The following BOC variants were observed in gnomAD, a reference collection of about 807,000 sequenced individuals.
BOC encodes the protein brother of CDO.
BOC carries 76 observed loss-of-function variants against 112.0 expected under a neutral mutation model. The ratio of observed to expected loss-of-function variants is 0.68; its 90% CI spans 0.56 to 0.82. The LOEUF is 0.82. BOC is among the 40% of genes least tolerant of loss of function. The probability of loss-of-function intolerance (pLI) is 0.00; values close to 1 mark genes in which losing one functional copy is unlikely to be tolerated. For synonymous variants in BOC, 580 were observed against 599.8 expected, an observed-to-expected ratio of 0.97 and a Z score of 0.48; for missense variants, 1,309 against 1,511.7, an observed-to-expected ratio of 0.87 and a Z score of 2.22.
At position 113,279,787 on chromosome 3, in the gene BOC, C is replaced by G. The variant is rs138679296; in HGVS notation, c.2024-37C>G. On this transcript the variant is annotated intron_variant, in intron 12 of 19. Coordinates refer to ENST00000682979, the MANE Select transcript of BOC (RefSeq NM_001378074.1). ...GCCATGGGAGAATCAGAAGGTATTT[C>G]CCAGCTCCTGAGTTCAGTGAGTGTC... The G allele has an allele frequency of 2.7e-4, 414 of 1,559,934 alleles. No homozygotes were observed. The African/African-American group carries it at 5.1e-3, about 19-fold the overall frequency.
At chr3:113,246,378 CTGT>C (rs1472497308) in intron 2 of BOC, among the ~76,000 whole-genome samples, 1 of 152,214 alleles carries the variant, frequency 6.6e-6, no homozygotes, top group Non-Finnish European at 1.5e-5. Context: ...ATAGGCCTTA[CTGT>C]TGCCTTCACC....
upstream of BOC, chr3:113,211,189 G>A (rs924401961): frequency 6.6e-6 from 1 of 152,350 alleles, no homozygotes; most frequent in Non-Finnish European, 1.5e-5. Context: ...GAAGAGACTA[G>A]GCGAAAGGAG....
At chr3:113,252,485 G>C (rs531906709) in intron 4 of BOC, among the ~76,000 whole-genome samples, 1 of 152,280 alleles carries the variant, frequency 6.6e-6, no homozygotes. Context: ...TGGGGTCCTT[G>C]GGGTGGGTGA....
chr3:113,236,289 T>TAC (rs1208690028), intron 2 of BOC, among the ~76,000 whole-genome samples: 3 of 21,292 alleles, frequency 1.4e-4, no homozygotes, highest in East Asian at 3.5e-3. Context: ...TGGGTATATA[T>TAC]ATATATATAT....
chr3:113,278,909 C>A lies in BOC; in HGVS notation c.1816+126C>A. 1 of 787,194 alleles carries A rather than the reference C, an allele frequency of 1.3e-6. No individual in the cohort carries two copies. Among genetic ancestry groups the A allele is most frequent in the South Asian group, 1.7e-5 (1 of 58,706 alleles). 48.8% of individuals were successfully genotyped at this position (787,194 alleles called of 1,614,324 possible). The stretch of plus-strand genomic sequence containing the variant: ...GTTTTTATGACATCTCCCAGTTAAC[C>A]ACAATGAGGAAATGTAGTTTGGAGC... On this transcript the variant is annotated intron_variant, in intron 11 of 19. Transcript: ENST00000682979. This position sits in a 1 kb window ranked among gnomAD's most constrained non-coding sequence, Gnocchi z 4.2.
At chr3:113,245,898 G>A (rs556538971) in intron 2 of BOC, among the ~76,000 whole-genome samples, 58 of 152,282 alleles carry the variant, frequency 3.8e-4, no homozygotes, top group African/African-American at 1.3e-3. Context: ...CCGTGGCATG[G>A]GCGTCCAGGG....
intron 3 of BOC, among the ~76,000 whole-genome samples, chr3:113,250,112 CGGA>C (rs1553732414): frequency 1.3e-5 from 2 of 151,948 alleles, no homozygotes; most frequent in African/African-American, 2.4e-5. Flanking sequence ...AAAGCTATAC[CGGA>C]GGAGGAGGAG....
chr3:113,231,354 C>T (rs568876771), intron 2 of BOC, among the ~76,000 whole-genome samples: 9 of 152,136 alleles, frequency 5.9e-5, no homozygotes, highest in Non-Finnish European at 1.2e-4. Context: ...TCTATGACAA[C>T]CCAGATAACT....
chr3:113,224,873 C>T (rs1186274635), intron 2 of BOC, among the ~76,000 whole-genome samples: 1 of 152,000 alleles, frequency 6.6e-6, no homozygotes, highest in African/African-American at 2.4e-5. Flanking sequence ...ACCAGGAGAT[C>T]GAGACCATTC....
chr3:113,250,867 C>T (rs373702780), intron 4 of BOC, 34 bp downstream of exon 4: 64 of 1,608,516 alleles, frequency 4.0e-5, no homozygotes, highest in African/African-American at 3.6e-4. Context: ...TGCCATGGTG[C>T]GGTCCCTCCT....
intron 2 of BOC, among the ~76,000 whole-genome samples, chr3:113,230,759 T>A (rs1331814830): frequency 6.6e-6 from 1 of 152,200 alleles, no homozygotes; most frequent in Non-Finnish European, 1.5e-5. Context: ...TCTCAGTGAT[T>A]TTTAACTTGT....
intron 3 of BOC, 54 bp downstream of exon 3, chr3:113,249,953 C>T (rs1559839655): frequency 2.0e-6 from 3 of 1,479,626 alleles, no homozygotes; most frequent in Middle Eastern, 1.7e-4. Flanking sequence ...AAACATTCCG[C>T]ATTCTACAAT....
chr3:113,216,139 G>T (rs767019468), intron 1 of BOC, 48 bp from the exon 2 acceptor site: 141 of 437,552 alleles, frequency 3.2e-4, no homozygotes, highest in Admixed American at 1.5e-3. Context: ...AAATACTTCA[G>T]AACTGTTTAT....
At chr3:113,260,701 AC>A (rs1328718297) in intron 4 of BOC, among the ~76,000 whole-genome samples, 3 of 133,532 alleles carry the variant, frequency 2.2e-5, no homozygotes, top group African/African-American at 9.8e-5. Context: ...ACAGAACAGA[AC>A]AGAACAGAAC....
chr3:113,242,923 A>G (rs776798033), intron 2 of BOC, among the ~76,000 whole-genome samples: 2 of 152,096 alleles, frequency 1.3e-5, no homozygotes, highest in African/African-American at 2.4e-5. Context: ...TGTTTTTTCT[A>G]CCTAAAAAAG....
intron 9 of BOC, among the ~76,000 whole-genome samples, chr3:113,276,337 C>T (rs1948669424): frequency 6.6e-6 from 1 of 152,152 alleles, no homozygotes; most frequent in African/African-American, 2.4e-5. Context: ...GACTAATTAC[C>T]CTTCTATTTC....
At chr3:113,244,648 T>C (rs1360735143) in intron 2 of BOC, among the ~76,000 whole-genome samples, 1 of 152,236 alleles carries the variant, frequency 6.6e-6, no homozygotes, top group Non-Finnish European at 1.5e-5. Context: ...AGTAGCTATC[T>C]AGTGCTTTAG....
At chr3:113,226,645 T>TG (rs1005375373) in intron 2 of BOC, among the ~76,000 whole-genome samples, 1 of 152,120 alleles carries the variant, frequency 6.6e-6, no homozygotes, top group East Asian at 1.9e-4. Flanking sequence ...TTAATCTGGA[T>TG]GGGGGAAAGG....
At chr3:113,234,363 G>A (rs1019466726) in intron 2 of BOC, among the ~76,000 whole-genome samples, 1 of 152,092 alleles carries the variant, frequency 6.6e-6, no homozygotes, top group Admixed American at 6.5e-5. Context: ...GTGTGTATGT[G>A]TGCACATGGG....
Sources: allele counts gnomAD v4.1 joint callset (sites outside exome capture counted in the v4.1 genomes callset), GRCh38; gene constraint gnomAD v4.1.1; non-coding constraint Gnocchi (gnomAD v3.1); transcripts MANE v1.5; gene names NCBI Gene and HGNC (gene_info 2026-07-23, HGNC 2026-07-21).